Variants in RIMS1 observed in about 807,000 individuals in gnomAD.
RIMS1 encodes regulating synaptic membrane exocytosis protein 1.
RIMS1 carries 83 observed loss-of-function variants against 214.1 expected under a neutral mutation model. The observed-to-expected ratio is 0.39, with a 90% CI of 0.32 to 0.47. The LOEUF is 0.47. Ranked by LOEUF, RIMS1 falls within the 20% of genes least tolerant of loss-of-function variation. The pLI, the probability that RIMS1 is intolerant of heterozygous loss-of-function variation, is 0.99. For missense variants in RIMS1, 2,050 were observed against 2,161.8 expected, an observed-to-expected ratio of 0.95 and a Z score of 1.03; for synonymous variants, 793 against 786.8, an observed-to-expected ratio of 1.01 and a Z score of -0.13.
intron 29 of RIMS1, among the ~76,000 whole-genome samples, chr6:72,337,020 C>A (rs1219903138): frequency 1.3e-5 from 2 of 151,686 alleles, no homozygotes; most frequent in East Asian, 3.9e-4. Flanking sequence ...TAAGAAAGCC[C>A]CTCTTAGATT....
intron 6 of RIMS1, among the ~76,000 whole-genome samples, chr6:72,188,607 G>C (rs1467064227): frequency 3.3e-5 from 5 of 151,880 alleles, no homozygotes; most frequent in African/African-American, 1.2e-4. Flanking sequence ...AGCTGGAATT[G>C]ATGACTACCT....
At chr6:72,235,370 C>T (rs187889032) in intron 7 of RIMS1, among the ~76,000 whole-genome samples, 121 of 152,106 alleles carry the variant, frequency 8.0e-4, no homozygotes, top group African/African-American at 2.8e-3. Context: ...ACCTTCCCAG[C>T]CTCTATTATC....
intron 2 of RIMS1, among the ~76,000 whole-genome samples, chr6:72,040,418 G>T (rs1389987111): frequency 6.6e-6 from 1 of 151,970 alleles, no homozygotes; most frequent in Admixed American, 6.6e-5. Flanking sequence ...TCTAGATTTT[G>T]AATTCTAGCA....
chr6:71,962,978 A>G (rs1290067693), intron 1 of RIMS1, among the ~76,000 whole-genome samples: 1 of 152,072 alleles, frequency 6.6e-6, no homozygotes, highest in Non-Finnish European at 1.5e-5. Context: ...TGATGTCACC[A>G]TTGTTCTGCT....
chr6:71,908,791 T>G (rs1304253486), intron 1 of RIMS1, among the ~76,000 whole-genome samples: 1 of 152,170 alleles, frequency 6.6e-6, no homozygotes, highest in Non-Finnish European at 1.5e-5. Context: ...ATTAACATTT[T>G]TACAGTGTTT....
Position 72,214,595 on chromosome 6 carries a change from G to T in RIMS1, c.1679-19178G>T, listed in dbSNP as rs553753921. Among the ~76,000 whole-genome samples, 5 of 152,164 alleles carry T rather than the reference G, an allele frequency of 3.3e-5. No homozygotes were observed. In the South Asian group the frequency reaches 8.3e-4, roughly 25 times the overall value. ...ATACTGGATAATAAACAAGAGAAAA[G>T]AAATAGGAATAGAGAAATAAATATT... On this transcript the variant is annotated intron_variant, in intron 6 of 33. Transcript: ENST00000521978.
At chr6:72,231,028 T>C (rs1357048535) in intron 6 of RIMS1, among the ~76,000 whole-genome samples, 2 of 151,692 alleles carry the variant, frequency 1.3e-5, no homozygotes, top group African/African-American at 2.4e-5. Context: ...ATTTTGCAGC[T>C]ATGCCACCTG....
chr6:71,958,064 T>A (rs985059452), intron 1 of RIMS1, among the ~76,000 whole-genome samples: 1 of 152,122 alleles, frequency 6.6e-6, no homozygotes, highest in African/African-American at 2.4e-5. Context: ...GCTTTGAGGA[T>A]CAAATGAGTT....
At chr6:72,134,719 TTGAC>T (rs1353162487) in intron 4 of RIMS1, among the ~76,000 whole-genome samples, 1 of 152,142 alleles carries the variant, frequency 6.6e-6, no homozygotes, top group African/African-American at 2.4e-5. Flanking sequence ...TATTTTTCAT[TTGAC>T]TGTCACATTT....
chr6:72,044,613 A>C (rs752418341), intron 2 of RIMS1, among the ~76,000 whole-genome samples: 1 of 151,932 alleles, frequency 6.6e-6, no homozygotes, highest in Non-Finnish European at 1.5e-5. Context: ...AAGATGTGCA[A>C]CATCTTTAGT....
At position 72,281,498 on chromosome 6, in the gene RIMS1, G is replaced by C. The variant is rs982627501; in HGVS notation, c.3483-2549G>C. ...TCTAGAAATTAATAGAAGTTGCCAG[G>C]GATCAGAAGAAAAGCAGGCTATTTC... On this transcript the variant is annotated intron_variant, in intron 23 of 33. Transcript: ENST00000521978. Among the ~76,000 whole-genome samples, 3 of 152,080 alleles carry C rather than the reference G, an allele frequency of 2.0e-5. No individual in the cohort carries two copies. The East Asian group carries it at 5.8e-4, about 29-fold the overall frequency.
intron 4 of RIMS1, among the ~76,000 whole-genome samples, chr6:72,178,464 A>C (rs2048009357): frequency 6.6e-6 from 1 of 152,182 alleles, no homozygotes; most frequent in Admixed American, 6.5e-5. Context: ...CGATTTATTC[A>C]TCCTGATGCA....
intron 2 of RIMS1, among the ~76,000 whole-genome samples, chr6:72,066,847 T>C (rs557496162): frequency 4.6e-5 from 7 of 152,310 alleles, no homozygotes; most frequent in African/African-American, 1.7e-4. Flanking sequence ...CTAATTTTCA[T>C]AATTTACCTA....
intron 4 of RIMS1, among the ~76,000 whole-genome samples, chr6:72,125,619 C>T (rs2039348623): frequency 6.6e-6 from 1 of 152,222 alleles, no homozygotes; most frequent in African/African-American, 2.4e-5. Flanking sequence ...AGGCAGGCCT[C>T]ACTGAGCTGC....
chr6:72,214,953 C>CAGGG (rs1379106868), intron 6 of RIMS1, among the ~76,000 whole-genome samples: 1 of 152,116 alleles, frequency 6.6e-6, no homozygotes, highest in Non-Finnish European at 1.5e-5. Flanking sequence ...AACTCCTGAC[C>CAGGG]TCCGGTGATC....
At position 72,245,801 on chromosome 6, in the gene RIMS1, C is replaced by T. The variant is rs1175418541; in HGVS notation, c.2082-14C>T. ...TTAACTAATGGGATTTTCACCATAT[C>T]CTGTTTCTTTTAGTGACATTCCCCG... On this transcript the variant is annotated splice_polypyrimidine_tract_variant and intron_variant, in intron 10 of 33. Coordinates refer to ENST00000521978, the MANE Select transcript of RIMS1 (RefSeq NM_014989.7). 1 of 1,603,098 alleles carries T rather than the reference C, an allele frequency of 6.2e-7. No individual in the cohort carries two copies. The highest frequency in any genetic ancestry group is 2.2e-5 in the East Asian group (1 of 44,778).
intron 1 of RIMS1, among the ~76,000 whole-genome samples, chr6:71,892,440 GGAGT>G (rs1770203900): frequency 6.6e-6 from 1 of 152,262 alleles, no homozygotes; most frequent in South Asian, 2.1e-4. Flanking sequence ...AAAACTTAAA[GGAGT>G]GAGAGAGGAG....
chr6:72,182,322 G>A lies in RIMS1; in HGVS notation c.851G>A (p.Gly284Glu), dbSNP rs369389847. The A allele has an allele frequency of 1.2e-6, 2 of 1,607,656 alleles. No homozygotes were observed. The highest frequency in any genetic ancestry group is 1.7e-5 in the Admixed American group (1 of 59,136). Residue 284 changes from glycine to glutamate, a missense_variant, in exon 6 of 34, where the codon GGA becomes GAA. By Grantham distance (98) the Gly-to-Glu change is moderately conservative. Transcript: ENST00000521978. ...GGGCTTTCCGAGCAGAATGGCAAAG[G>A]AGCCCTGAAGAGCGAGCGGAAACGC... ...TPGLSEQNGK[G>E]ALKSERKRVP...
At chr6:72,238,048 T>C in intron 9 of RIMS1, 126 bp downstream of exon 9, 1 of 471,722 alleles carries the variant, frequency 2.1e-6, no homozygotes, top group African/African-American at 2.0e-5. Context: ...TATATATCAA[T>C]TAAGTCACTA....
Sources: gnomAD v4.1 joint callset for allele counts (sites outside exome capture counted in the v4.1 genomes callset) on GRCh38, gnomAD v4.1.1 for gene constraint, MANE v1.5 for transcripts, NCBI Gene and HGNC (gene_info 2026-07-23, HGNC 2026-07-21) for gene names.